The following PTPRD variants were observed in gnomAD, a reference collection of about 807,000 sequenced individuals.
PTPRD encodes the protein receptor-type tyrosine-protein phosphatase delta.
In PTPRD, 34 loss-of-function variants were observed where a neutral mutation model predicts 214.5. That is an observed-to-expected ratio of 0.16 (90% CI 0.12 to 0.21). The LOEUF is 0.21. PTPRD is among the 10% of genes least tolerant of loss of function. The pLI, the probability that PTPRD is intolerant of heterozygous loss-of-function variation, is 1.00. For synonymous variants in PTPRD, 1,128 were observed against 845.7 expected (o/e 1.33, Z -5.79); for missense variants, 2,545 against 2,398.7 (o/e 1.06, Z -1.27).
intron 33 of PTPRD, among the ~76,000 whole-genome samples, chr9:8,460,111 TG>T (rs2096351326): frequency 6.6e-6 from 1 of 152,128 alleles, no homozygotes; most frequent in Non-Finnish European, 1.5e-5. Flanking sequence ...TGCTTGTGAA[TG>T]CACTAATGCC....
intron 3 of PTPRD, among the ~76,000 whole-genome samples, chr9:10,199,953 A>ATAACAAAT (rs1564480128): frequency 1.3e-5 from 2 of 152,032 alleles, no homozygotes; most frequent in African/African-American, 4.8e-5. Context: ...TACTGAGGAA[A>ATAACAAAT]TAACAAATAT....
chr9:8,887,469 C>G (rs2098500946), intron 11 of PTPRD, among the ~76,000 whole-genome samples: 1 of 152,036 alleles, frequency 6.6e-6, no homozygotes, highest in Non-Finnish European at 1.5e-5. Context: ...CCAAATGACA[C>G]CTGTAAAGGG....
At chr9:8,629,112 C>T (rs2154312936) in intron 14 of PTPRD, among the ~76,000 whole-genome samples, 2 of 151,608 alleles carry the variant, frequency 1.3e-5, no homozygotes, top group South Asian at 4.2e-4. Context: ...TCTGATTACT[C>T]CCCTAAAAAA....
At chr9:10,116,733 C>T (rs1028964461) in intron 3 of PTPRD, among the ~76,000 whole-genome samples, 8 of 152,114 alleles carry the variant, frequency 5.3e-5, no homozygotes, top group Non-Finnish European at 1.2e-4. Context: ...CCTCCAAAGG[C>T]TCCCCATTGG....
At chr9:8,350,818 GCAGT>G (rs1359692432) in intron 39 of PTPRD, among the ~76,000 whole-genome samples, 6 of 151,982 alleles carry the variant, frequency 3.9e-5, no homozygotes, top group African/African-American at 9.6e-5. Context: ...TCATTGATAC[GCAGT>G]CAAATTTGTC....
chr9:8,783,216 T>C (rs777062377), intron 11 of PTPRD, among the ~76,000 whole-genome samples: 3 of 152,170 alleles, frequency 2.0e-5, no homozygotes, highest in Admixed American at 6.5e-5. Context: ...TTCAAAATGA[T>C]TGTAATTATA....
chr9:8,753,403 A>G (rs897327340), intron 11 of PTPRD, among the ~76,000 whole-genome samples: 1 of 152,242 alleles, frequency 6.6e-6, no homozygotes, highest in Non-Finnish European at 1.5e-5. Flanking sequence ...GCCGGGGGAT[A>G]AATCCCACAA....
intron 3 of PTPRD, among the ~76,000 whole-genome samples, chr9:10,149,143 A>T (rs1216286667): frequency 6.6e-6 from 1 of 152,226 alleles, no homozygotes; most frequent in Non-Finnish European, 1.5e-5. Flanking sequence ...AGCAGTATTC[A>T]TATTACTCAA....
intron 12 of PTPRD, 123 bp downstream of exon 12, chr9:8,733,657 C>A: frequency 1.0e-6 from 1 of 977,280 alleles, no homozygotes; most frequent in East Asian, 2.7e-5. Context: ...CAAGGAGGAT[C>A]CCGCAGTGTC....
chr9:8,622,882 T>C (rs1392415418), intron 14 of PTPRD, among the ~76,000 whole-genome samples: 1 of 151,934 alleles, frequency 6.6e-6, no homozygotes, highest in Non-Finnish European at 1.5e-5. Context: ...CTTATGCCTG[T>C]AATCCCATGA....
intron 2 of PTPRD, among the ~76,000 whole-genome samples, chr9:10,459,989 T>C (rs1288195242): frequency 6.6e-6 from 1 of 152,110 alleles, no homozygotes. Context: ...ATTTTAAGTG[T>C]ACAGTTAAGT....
At chr9:9,101,293 T>C (rs918772798) in intron 10 of PTPRD, among the ~76,000 whole-genome samples, 4 of 152,156 alleles carry the variant, frequency 2.6e-5, no homozygotes, top group African/African-American at 9.7e-5. Context: ...GGAAGAAATT[T>C]GGGATATTAG....
chr9:9,785,786 CA>C (rs2098918630), intron 5 of PTPRD, among the ~76,000 whole-genome samples: 1 of 152,012 alleles, frequency 6.6e-6, no homozygotes, highest in Non-Finnish European at 1.5e-5. Context: ...ATAAATTTTA[CA>C]ATGGCTATGT....
rs1414538032 is a variant in PTPRD at position 8,376,745 on chromosome 9, A to C, written c.4387-19T>G. 1 of 1,612,302 alleles carries C rather than the reference A, an allele frequency of 6.2e-7. No individual in the cohort carries two copies. Among genetic ancestry groups the C allele is most frequent in the African/African-American group, 1.3e-5 (1 of 74,814 alleles). On this transcript the variant is annotated intron_variant, in intron 37 of 45. Transcript: ENST00000381196. Reference sequence around the variant, plus strand: ...ACTTCACCTACAAGAAACAAGTGACACATTCAGGGCAAATGCTCATCAATT... The same window carrying C: ...ACTTCACCTACAAGAAACAAGTGACCCATTCAGGGCAAATGCTCATCAATT...
chr9:8,835,388 A>G (rs1550001), intron 11 of PTPRD, among the ~76,000 whole-genome samples: 132,312 of 152,258 alleles, frequency 0.87, 57,567 homozygotes, highest in Middle Eastern at 0.94. Context: ...CAAGGTCTCT[A>G]CTAAACTCTT....
At chr9:9,179,672 C>T (rs2099927003) in intron 10 of PTPRD, among the ~76,000 whole-genome samples, 1 of 152,004 alleles carries the variant, frequency 6.6e-6, no homozygotes, top group Non-Finnish European at 1.5e-5. Flanking sequence ...CAGTCATAGA[C>T]ACTTAAGGAG....
At chr9:9,915,009 A>G (rs749122625) in intron 5 of PTPRD, among the ~76,000 whole-genome samples, 21 of 152,196 alleles carry the variant, frequency 1.4e-4, no homozygotes, top group Admixed American at 6.5e-5. Context: ...GTGTGCACAC[A>G]TATGCCCCTG....
At chr9:9,317,846 A>C (rs1046418641) in intron 9 of PTPRD, among the ~76,000 whole-genome samples, 1 of 152,142 alleles carries the variant, frequency 6.6e-6, no homozygotes, top group African/African-American at 2.4e-5. Flanking sequence ...TCATAATAAC[A>C]ATCTATCAGG....
chr9:9,646,972 ATATAGAG>A (rs1428254605), intron 7 of PTPRD, among the ~76,000 whole-genome samples: 1 of 152,204 alleles, frequency 6.6e-6, no homozygotes, highest in Non-Finnish European at 1.5e-5. Flanking sequence ...CAGGGGGCTC[ATATAGAG>A]TATATACTGT....
Sources: allele counts gnomAD v4.1 joint callset (sites outside exome capture counted in the v4.1 genomes callset), GRCh38; gene constraint gnomAD v4.1.1; transcripts MANE v1.5; gene names NCBI Gene and HGNC (gene_info 2026-07-23, HGNC 2026-07-21).